Variants in NBEA observed in about 807,000 individuals in gnomAD.
The protein encoded by NBEA is neurobeachin, also known as lysosomal-trafficking regulator 2.
NBEA carries 44 observed loss-of-function variants against 343.4 expected under a neutral mutation model. The ratio of observed to expected loss-of-function variants is 0.13; its 90% CI spans 0.10 to 0.16. The LOEUF (loss-of-function observed/expected upper bound fraction) is 0.16, where lower values mean the gene tolerates loss of function less well. NBEA is among the 10% of genes least tolerant of loss of function. The pLI is 1.00. For synonymous variants in NBEA, 1,175 were observed against 1,238.7 expected, an observed-to-expected ratio of 0.95 and a Z score of 1.08; for missense variants, 2,555 against 3,631.3, an observed-to-expected ratio of 0.70 and a Z score of 7.62.
At chr13:35,328,773 G>A (rs2152846249) in intron 36 of NBEA, among the ~76,000 whole-genome samples, 2 of 150,300 alleles carry the variant, frequency 1.3e-5, no homozygotes, top group Non-Finnish European at 3.0e-5. Flanking sequence ...ATTCCAGCAG[G>A]GTTTTTTTTT....
rs138191530 is a variant in NBEA at position 35,335,816 on chromosome 13, G to C, written c.5904-13292G>C. ...GAACAGCTTGGAAATAGGTACATAA[G>C]GGCTTTGAAAAGCTCTAACATATTT... is the stretch of plus-strand genomic sequence containing the variant. On this transcript the variant is annotated intron_variant, in intron 36 of 58. Coordinates refer to ENST00000379939, the MANE Select transcript of NBEA (RefSeq NM_001385012.1). Among the ~76,000 whole-genome samples the C allele has an allele frequency of 8.7e-4, 132 of 152,126 alleles. 4 individuals carry two copies. In the East Asian group the frequency reaches 0.021, roughly 24 times the overall value.
intron 40 of NBEA, among the ~76,000 whole-genome samples, chr13:35,455,689 G>T (rs1445981545): frequency 6.6e-6 from 1 of 152,088 alleles, no homozygotes; most frequent in Non-Finnish European, 1.5e-5. Flanking sequence ...TAGGGTTAGG[G>T]TTAGTGTTCA....
chr13:35,090,759 G>T (rs996911900), intron 10 of NBEA, among the ~76,000 whole-genome samples: 11 of 151,782 alleles, frequency 7.2e-5, no homozygotes, highest in African/African-American at 2.4e-4. Flanking sequence ...AAGGTAGAGT[G>T]AGCACACTCT....
At chr13:35,624,073 TGTGTGTGA>T (rs1215898657) in intron 48 of NBEA, among the ~76,000 whole-genome samples, 4,420 of 151,818 alleles carry the variant, frequency 0.029, 243 homozygotes, top group African/African-American at 0.1. Flanking sequence ...TGTGTGTGTG[TGTGTGTGA>T]GAATTGCATC....
At chr13:35,338,280 A>G (rs1309112157) in intron 36 of NBEA, among the ~76,000 whole-genome samples, 1 of 151,966 alleles carries the variant, frequency 6.6e-6, no homozygotes, top group African/African-American at 2.4e-5. Context: ...ATTATTAATG[A>G]CCTTAATGAA....
At chr13:35,594,851 C>T (rs995848989) in intron 47 of NBEA, among the ~76,000 whole-genome samples, 3 of 151,766 alleles carry the variant, frequency 2.0e-5, no homozygotes, top group East Asian at 1.9e-4. Flanking sequence ...GGCTTCTTAT[C>T]GCAGTTAAGA....
intron 1 of NBEA, among the ~76,000 whole-genome samples, chr13:34,960,099 G>GC (rs1485293663): frequency 6.6e-6 from 1 of 152,060 alleles, no homozygotes; most frequent in Non-Finnish European, 1.5e-5. Flanking sequence ...GGGTGTTGTT[G>GC]CCCCTGAAGA....
Position 35,159,132 on chromosome 13 carries a change from T to G in NBEA, c.2961T>G (p.Leu987=), listed in dbSNP as rs2069381039. 6.2e-7 allele frequency: 1 copy of G among 1,613,608 alleles called. No homozygotes were observed. The highest frequency in any genetic ancestry group is 1.7e-5 in the Admixed American group (1 of 59,980). Residue 987 remains leucine (L), a synonymous_variant, in exon 22 of 59, where the codon CTT becomes CTG. Transcript: ENST00000379939. ...KKGNVSTISG[L]SSQTTGAKGG... is the part of the protein sequence containing the mutation. The stretch of plus-strand genomic sequence containing the variant: ...GGAATGTGAGCACCATCTCTGGTCT[T>G]TCATCACAGACAACAGGAGCAAAAG...
intron 1 of NBEA, among the ~76,000 whole-genome samples, chr13:34,949,177 G>A (rs2059277046): frequency 6.6e-6 from 1 of 152,142 alleles, no homozygotes; most frequent in Non-Finnish European, 1.5e-5. Flanking sequence ...GCAAGTGATA[G>A]AATAGCTGTG....
intron 1 of NBEA, among the ~76,000 whole-genome samples, chr13:34,946,156 A>G (rs938304729): frequency 3.9e-5 from 6 of 152,180 alleles, no homozygotes; most frequent in Non-Finnish European, 7.4e-5. Context: ...TGCATTGTCA[A>G]GGATTTTGCA....
intron 38 of NBEA, among the ~76,000 whole-genome samples, chr13:35,361,589 A>G (rs554429257): frequency 1.5e-4 from 23 of 152,188 alleles, no homozygotes; most frequent in South Asian, 4.1e-4. Flanking sequence ...TAAAACTTCT[A>G]GGAGAAAACA....
At chr13:35,414,835 A>G (rs2043806659) in intron 38 of NBEA, among the ~76,000 whole-genome samples, 1 of 152,186 alleles carries the variant, frequency 6.6e-6, no homozygotes, top group African/African-American at 2.4e-5. Flanking sequence ...GAACTAGTTT[A>G]CAGTCCTACC....
At chr13:35,361,792 G>T (rs1314424830) in intron 38 of NBEA, among the ~76,000 whole-genome samples, 2 of 151,944 alleles carry the variant, frequency 1.3e-5, no homozygotes, top group African/African-American at 4.8e-5. Context: ...TTAACAATGA[G>T]AAACAAATAT....
At chr13:35,211,210 C>T (rs748441595) in intron 33 of NBEA, 31 bp downstream of exon 33, 1 of 1,522,358 alleles carries the variant, frequency 6.6e-7, no homozygotes, top group Non-Finnish European at 8.8e-7. Context: ...TTCATTTTAA[C>T]TCTTTTTAAA....
At chr13:35,156,944 G>A (rs563807788) in intron 20 of NBEA, 134 bp from the exon 21 acceptor site, 12 of 550,388 alleles carry the variant, frequency 2.2e-5, no homozygotes, top group South Asian at 1.0e-4. Flanking sequence ...AATATATAAC[G>A]TGCAGCATGA....
intron 41 of NBEA, among the ~76,000 whole-genome samples, chr13:35,491,058 C>CT (rs2076482718): frequency 6.6e-6 from 1 of 151,816 alleles, no homozygotes; most frequent in African/African-American, 2.4e-5. Context: ...TATTTTTAAA[C>CT]TTATATTACC....
At chr13:35,487,288 T>C (rs1048437651) in intron 41 of NBEA, among the ~76,000 whole-genome samples, 2 of 151,986 alleles carry the variant, frequency 1.3e-5, no homozygotes, top group African/African-American at 4.8e-5. Flanking sequence ...ATTAGTAGAA[T>C]TATATTAGTA....
At chr13:35,618,700 A>G (rs1005319300) in intron 48 of NBEA, among the ~76,000 whole-genome samples, 1 of 152,200 alleles carries the variant, frequency 6.6e-6, no homozygotes, top group Non-Finnish European at 1.5e-5. Flanking sequence ...ATGAAACATT[A>G]ATAAAGCATT....
chr13:35,288,772 C>G (rs2035604909), intron 34 of NBEA, among the ~76,000 whole-genome samples: 1 of 151,902 alleles, frequency 6.6e-6, no homozygotes, highest in African/African-American at 2.4e-5. Flanking sequence ...GCCTTATTGT[C>G]TAAATTTACA....
Sources: allele counts gnomAD v4.1 joint callset (sites outside exome capture counted in the v4.1 genomes callset), GRCh38; gene constraint gnomAD v4.1.1; transcripts MANE v1.5; gene names NCBI Gene and HGNC (gene_info 2026-07-23, HGNC 2026-07-21).